Variants in NTM observed in about 807,000 individuals in gnomAD.
NTM encodes the protein IgLON family member 2.
A neutral mutation model predicts 42.1 loss-of-function variants in NTM; 13 were observed. The observed-to-expected ratio is 0.31, with a 90% CI of 0.20 to 0.49. NTM has a LOEUF of 0.49. Ranked by LOEUF, NTM falls within the 20% of genes least tolerant of loss-of-function variation. The pLI is 0.99. For missense variants in NTM, 373 were observed against 452.8 expected (o/e 0.82, Z 1.60); for synonymous variants, 187 against 179.2 (o/e 1.04, Z -0.35).
In NTM at chr11:132,201,485, C is replaced by T. The variant is rs571954073; in HGVS notation, c.401-10537C>T. Among the ~76,000 whole-genome samples the T allele has an allele frequency of 7.9e-5, 12 of 152,268 alleles. No individual in the cohort carries two copies. The East Asian group carries it at 1.9e-3, about 25-fold the overall frequency. Reference sequence around the variant, plus strand: ...TTAACGAGGCCTTGCGGTTGAGCCTCAAAGGATATGGCAAGGCTATGGCGG... The same window carrying T: ...TTAACGAGGCCTTGCGGTTGAGCCTTAAAGGATATGGCAAGGCTATGGCGG... On this transcript the variant is annotated intron_variant, in intron 3 of 8. Transcript: ENST00000683400.
At chr11:132,078,120 C>T (rs890582786) in intron 2 of NTM, among the ~76,000 whole-genome samples, 2 of 152,198 alleles carry the variant, frequency 1.3e-5, no homozygotes, top group African/African-American at 4.8e-5. Flanking sequence ...ACTTTGAACA[C>T]CATGACACTA....
intron 1 of NTM, among the ~76,000 whole-genome samples, chr11:131,854,254 A>G (rs1444107450): frequency 6.6e-6 from 1 of 152,230 alleles, no homozygotes; most frequent in East Asian, 1.9e-4. Context: ...GATAAGGTAC[A>G]CAGTGATTTA....
At chr11:131,440,851 A>C (rs991349880) in intron 1 of NTM, among the ~76,000 whole-genome samples, 47 of 121,504 alleles carry the variant, frequency 3.9e-4, no homozygotes, top group Non-Finnish European at 7.3e-4. Context: ...AAAAAAAAAA[A>C]AAAAAAAAAA....
intron 2 of NTM, among the ~76,000 whole-genome samples, chr11:132,133,398 A>G (rs1355089327): frequency 1.3e-5 from 2 of 152,228 alleles, no homozygotes; most frequent in African/African-American, 4.8e-5. Flanking sequence ...AGAGCTTAAC[A>G]CAATACATGG....
At chr11:132,137,671 C>A (rs2068212915) in intron 2 of NTM, among the ~76,000 whole-genome samples, 1 of 152,162 alleles carries the variant, frequency 6.6e-6, no homozygotes, top group African/African-American at 2.4e-5. Flanking sequence ...AACAGGAAGG[C>A]ACTGTTAACA....
intron 3 of NTM, among the ~76,000 whole-genome samples, chr11:132,157,663 G>A (rs955590259): frequency 2.9e-5 from 4 of 140,090 alleles, no homozygotes; most frequent in Non-Finnish European, 6.7e-5. Flanking sequence ...GAGGGACCTC[G>A]TATTTGTGTT....
intron 2 of NTM, among the ~76,000 whole-genome samples, chr11:132,046,988 G>A (rs947042714): frequency 2.0e-5 from 3 of 152,156 alleles, no homozygotes; most frequent in South Asian, 4.1e-4. Context: ...AGCAGCCCTA[G>A]GAATTTCAAA....
At position 131,691,676 on chromosome 11, in the gene NTM, C is replaced by T. The variant is rs190651775; in HGVS notation, c.83-219888C>T. Among the ~76,000 whole-genome samples the T allele has an allele frequency of 6.2e-4, 94 of 152,290 alleles. 1 individual carries two copies. Among genetic ancestry groups the T allele is most frequent in the African/African-American group, 2.2e-3 (91 of 41,574 alleles). ...TAAAGATGGCAACCCCAGGGCGCAG[C>T]CACCCCGCGCTCCCGCTCGGCCCCG... On this transcript the variant is annotated intron_variant, in intron 1 of 8. Coordinates refer to ENST00000683400, the MANE Select transcript of NTM (RefSeq NM_001352005.2).
chr11:132,142,512 A>T (rs10791210), intron 2 of NTM, among the ~76,000 whole-genome samples: 6 of 151,852 alleles, frequency 4.0e-5, no homozygotes, highest in African/African-American at 1.5e-4. Context: ...TTAACCGAGG[A>T]GCGATGTGTC....
At chr11:131,465,734 C>T (rs1264065615) in intron 1 of NTM, among the ~76,000 whole-genome samples, 5 of 150,924 alleles carry the variant, frequency 3.3e-5, no homozygotes, top group African/African-American at 1.2e-4. Flanking sequence ...TTAGCACAGA[C>T]AGACAGGACT....
At chr11:131,932,037 A>G (rs957470796) in intron 2 of NTM, among the ~76,000 whole-genome samples, 3 of 152,192 alleles carry the variant, frequency 2.0e-5, no homozygotes, top group African/African-American at 7.2e-5. Flanking sequence ...AACCAGGAAG[A>G]CTGATAAGCG....
chr11:131,873,567 A>G (rs1236705742), intron 1 of NTM, among the ~76,000 whole-genome samples: 1 of 47,718 alleles, frequency 2.1e-5, no homozygotes, highest in Non-Finnish European at 5.0e-5. Flanking sequence ...TATACCGTAT[A>G]TATATACATA....
chr11:131,499,279 A>G (rs924575406), intron 1 of NTM, among the ~76,000 whole-genome samples: 2 of 152,190 alleles, frequency 1.3e-5, no homozygotes, highest in African/African-American at 4.8e-5. Flanking sequence ...TAATAGCTAG[A>G]TAGCCTAGGT....
In NTM at chr11:132,234,266, T is replaced by C. The variant is rs563706198; in HGVS notation, c.526+22119T>C. On this transcript the variant is annotated intron_variant, in intron 4 of 8. Transcript: ENST00000683400. ...TGTTTCTGTAGCATACAGCATTCTG[T>C]GGCAGCATCTGAGTCGGTCTTCGCT... Among the ~76,000 whole-genome samples the C allele has an allele frequency of 3.9e-5, 6 of 152,336 alleles. No homozygotes were observed. The South Asian group carries it at 6.2e-4, about 16-fold the overall frequency.
At chr11:131,806,388 G>GT (rs2092482144) in intron 1 of NTM, among the ~76,000 whole-genome samples, 1 of 152,132 alleles carries the variant, frequency 6.6e-6, no homozygotes, top group African/African-American at 2.4e-5. Flanking sequence ...AGATTGCAAT[G>GT]TTGATATGAA....
chr11:132,188,056 TG>T (rs1264714350), intron 3 of NTM, among the ~76,000 whole-genome samples: 1 of 152,192 alleles, frequency 6.6e-6, no homozygotes, highest in Admixed American at 6.5e-5. Flanking sequence ...AGGGAACATT[TG>T]GCAATGACTT....
chr11:131,505,114 G>A (rs1032300775), intron 1 of NTM, among the ~76,000 whole-genome samples: 2 of 152,006 alleles, frequency 1.3e-5, no homozygotes, highest in South Asian at 4.2e-4. Context: ...GAATCTCTGA[G>A]TCATTCTCCT....
chr11:131,431,022 T>C (rs953941545), intron 1 of NTM, among the ~76,000 whole-genome samples: 3 of 152,238 alleles, frequency 2.0e-5, no homozygotes, highest in African/African-American at 7.2e-5. Context: ...GTGATTCATA[T>C]TAGCTTGATT....
At chr11:131,765,063 A>G (rs1006270413) in intron 1 of NTM, among the ~76,000 whole-genome samples, 2 of 152,090 alleles carry the variant, frequency 1.3e-5, no homozygotes, top group African/African-American at 2.4e-5. Context: ...CTCCAGTTAC[A>G]CTGTGTACTC....
Sources: gnomAD v4.1 joint callset for allele counts (sites outside exome capture counted in the v4.1 genomes callset) on GRCh38, gnomAD v4.1.1 for gene constraint, MANE v1.5 for transcripts, NCBI Gene and HGNC (gene_info 2026-07-23, HGNC 2026-07-21) for gene names.